MTA3: variants seen among roughly 807,000 people sequenced by gnomAD.
MTA3 encodes the protein metastasis associated 1 family member 3.
A neutral mutation model predicts 83.5 loss-of-function variants in MTA3; 34 were observed. The observed-to-expected ratio is 0.41, with a 90% CI of 0.31 to 0.54. MTA3 has a LOEUF of 0.54. Ranked by LOEUF, MTA3 falls within the 20% of genes least tolerant of loss-of-function variation. MTA3 has a pLI of 0.33. For synonymous variants in MTA3, 303 were observed against 252.7 expected (o/e 1.20, Z -1.89); for missense variants, 761 against 726.4 (o/e 1.05, Z -0.55).
intron 9 of MTA3, chr2:42,682,848 G>T: frequency 2.6e-6 from 1 of 380,450 alleles, no homozygotes. Flanking sequence ...CGAGGTGGGT[G>T]AATCACAAGG....
intron 3 of MTA3, among the ~76,000 whole-genome samples, chr2:42,609,205 AT>A (rs34302014): frequency 2.3e-4 from 35 of 151,738 alleles, no homozygotes; most frequent in African/African-American, 7.7e-4. Context: ...TACTTTTTGT[AT>A]TTTTAGTAGA....
chr2:42,603,949 T>C (rs1365586571), intron 3 of MTA3, among the ~76,000 whole-genome samples: 1 of 152,180 alleles, frequency 6.6e-6, no homozygotes, highest in South Asian at 2.1e-4. Context: ...CGGAGCTTCA[T>C]TGTGTTAGCC....
chr2:42,538,965 G>A (rs1304213502), intron 2 of MTA3, among the ~76,000 whole-genome samples: 2 of 150,514 alleles, frequency 1.3e-5, no homozygotes, highest in South Asian at 2.1e-4. Context: ...TAGTAGAGAC[G>A]GGGTTTCACC....
At chr2:42,729,113 T>TC (rs397984422) in intron 16 of MTA3, among the ~76,000 whole-genome samples, 31 of 142,470 alleles carry the variant, frequency 2.2e-4, no homozygotes, top group Non-Finnish European at 1.4e-4. Flanking sequence ...TTTTTTTTTT[T>TC]CACAGAGTCA....
intron 2 of MTA3, among the ~76,000 whole-genome samples, chr2:42,558,291 G>T (rs930951612): frequency 6.7e-6 from 1 of 149,986 alleles, no homozygotes; most frequent in Non-Finnish European, 1.5e-5. Flanking sequence ...ACCCAGGCTG[G>T]AGTGCAATGG....
intron 16 of MTA3, among the ~76,000 whole-genome samples, chr2:42,741,525 C>T (rs1669025148): frequency 6.6e-6 from 1 of 152,134 alleles, no homozygotes; most frequent in South Asian, 2.1e-4. Flanking sequence ...CTTCTTTTCG[C>T]TTCAACACTT....
chr2:42,584,199 C>T (rs896283998), intron 3 of MTA3, among the ~76,000 whole-genome samples: 7 of 151,994 alleles, frequency 4.6e-5, no homozygotes, highest in Non-Finnish European at 7.4e-5. Flanking sequence ...CATGTACAAG[C>T]AGAGAAGAAT....
intron 8 of MTA3, among the ~76,000 whole-genome samples, chr2:42,668,839 A>G (rs751992855): frequency 4.6e-5 from 7 of 152,166 alleles, no homozygotes; most frequent in Non-Finnish European, 7.3e-5. Context: ...CTTCCTCTTA[A>G]AACAAGCTAT....
At chr2:42,650,557 A>C (rs1259726349) in intron 6 of MTA3, among the ~76,000 whole-genome samples, 7 of 151,966 alleles carry the variant, frequency 4.6e-5, no homozygotes, top group Admixed American at 4.6e-4. Flanking sequence ...TTCCTGCCTC[A>C]GCCTCCTGAG....
intron 2 of MTA3, among the ~76,000 whole-genome samples, chr2:42,524,797 G>A (rs1402555370): frequency 6.7e-6 from 1 of 149,906 alleles, no homozygotes; most frequent in Non-Finnish European, 1.5e-5. Context: ...TTTGACACTG[G>A]TGGAAGAGAA....
At chr2:42,697,247 G>T (rs1693471705) in intron 10 of MTA3, among the ~76,000 whole-genome samples, 1 of 152,124 alleles carries the variant, frequency 6.6e-6, no homozygotes, top group Non-Finnish European at 1.5e-5. Context: ...TGTGAATTCA[G>T]CTGAGGTTTA....
chr2:42,718,006 G>A (rs186440259), intron 14 of MTA3, among the ~76,000 whole-genome samples: 79 of 151,746 alleles, frequency 5.2e-4, no homozygotes, highest in African/African-American at 1.7e-3. Flanking sequence ...ATGGGCACAC[G>A]CAATAAAAAA....
intron 11 of MTA3, among the ~76,000 whole-genome samples, chr2:42,701,374 C>T (rs1399919584): frequency 6.8e-6 from 1 of 146,494 alleles, no homozygotes; most frequent in African/African-American, 2.5e-5. Context: ...ATCCCTTGAG[C>T]CCAGGAACTC....
In MTA3 at chr2:42,723,046, C is replaced by G. The variant is rs1260564854; in HGVS notation, c.1759+11C>G. 1.4e-5 allele frequency: 21 copies of G among 1,549,862 alleles called. No homozygotes were observed. Among genetic ancestry groups the G allele is most frequent in the Non-Finnish European group, 1.7e-5 (19 of 1,146,582 alleles). The stretch of plus-strand genomic sequence containing the variant: ...ACAATGGTCTGGATGGTATGTAAGC[C>G]CAGGAATTCTGGAGGCTGTTCTGAT... On this transcript the variant is annotated intron_variant, in intron 16 of 16. Coordinates refer to ENST00000405094, the MANE Select transcript of MTA3 (RefSeq NM_001330442.2).
chr2:42,624,724 T>G (rs1460693594), intron 4 of MTA3, among the ~76,000 whole-genome samples: 1 of 152,224 alleles, frequency 6.6e-6, no homozygotes, highest in Non-Finnish European at 1.5e-5. Context: ...CCTATACTAT[T>G]CTGGTATGAA....
In MTA3 at chr2:42,675,575, C is replaced by G. The variant is rs548095949; in HGVS notation, c.703-6826C>G. ...ACCACTAGATGGTAAAGAACATTAC[C>G]AGTATCTCAACAGCTTCCCTTCTGC... On this transcript the variant is annotated intron_variant, in intron 8 of 16. Coordinates refer to ENST00000405094, the MANE Select transcript of MTA3 (RefSeq NM_001330442.2). Among the ~76,000 whole-genome samples the G allele has an allele frequency of 9.9e-5, 15 of 152,212 alleles. No individual in the cohort carries two copies. In the East Asian group the frequency reaches 2.7e-3, roughly 27 times the overall value.
chr2:42,562,265 A>G (rs1677705941), intron 2 of MTA3, among the ~76,000 whole-genome samples: 2 of 152,108 alleles, frequency 1.3e-5, no homozygotes, highest in African/African-American at 4.8e-5. Flanking sequence ...ATAAGGTCAT[A>G]TTCGCAGGTT....
intron 16 of MTA3, among the ~76,000 whole-genome samples, chr2:42,745,343 A>C (rs1288678499): frequency 6.6e-6 from 1 of 152,204 alleles, no homozygotes; most frequent in African/African-American, 2.4e-5. Flanking sequence ...GAGCAAGACC[A>C]AGAGTAAGTG....
intron 2 of MTA3, among the ~76,000 whole-genome samples, chr2:42,578,362 A>G (rs1261754578): frequency 6.6e-6 from 1 of 152,136 alleles, no homozygotes; most frequent in East Asian, 1.9e-4. Context: ...TTTTTTTTGA[A>G]GCCATCATAC....
Sources: gnomAD v4.1 joint callset for allele counts (sites outside exome capture counted in the v4.1 genomes callset) on GRCh38, gnomAD v4.1.1 for gene constraint, MANE v1.5 for transcripts, NCBI Gene and HGNC (gene_info 2026-07-23, HGNC 2026-07-21) for gene names.